GLRB: variants seen among roughly 807,000 people sequenced by gnomAD.
The protein encoded by GLRB is glycine receptor subunit beta.
Under a neutral mutation model 54.2 loss-of-function variants are expected in GLRB, and 33 were observed. The observed-to-expected ratio is 0.61, with a 90% CI of 0.46 to 0.81. The LOEUF (loss-of-function observed/expected upper bound fraction) is 0.81, where lower values mean the gene tolerates loss of function less well. Among genes scored for constraint, GLRB ranks in the 40% least tolerant of loss-of-function variants. The pLI is 0.00. For missense variants in GLRB, 572 were observed against 584.6 expected, an observed-to-expected ratio of 0.98 and a Z score of 0.22; for synonymous variants, 209 against 208.2, an observed-to-expected ratio of 1.00 and a Z score of -0.03.
At position 157,077,909 on chromosome 4, in the gene GLRB, G is replaced by C. The variant is rs1433013301; in HGVS notation, c.-29-87G>C. 2.1e-5 allele frequency: 17 copies of C among 794,702 alleles called. No homozygotes were observed. In the East Asian group the frequency reaches 3.8e-4, roughly 18 times the overall value. The allele number at this position is 794,702 out of a possible 1,614,324, so 49.2% of individuals were successfully genotyped here. A position where few individuals can be genotyped will look rare whatever the true frequency, so the allele number is the denominator to read the frequency against. The stretch of plus-strand genomic sequence containing the variant: ...ATGTACAAATGTACTTGCCCTTTGG[G>C]TAGTAATGCTTATACTCTTTAAAGG... On this transcript the variant is annotated intron_variant, in intron 1 of 9. Transcript: ENST00000264428.
intron 2 of GLRB, among the ~76,000 whole-genome samples, chr4:157,106,163 C>T (rs1476971581): frequency 6.6e-6 from 1 of 151,924 alleles, no homozygotes; most frequent in East Asian, 1.9e-4. Flanking sequence ...ATGTAGAGTA[C>T]TCTTGGGTGA....
At chr4:157,148,709 C>T (rs903726503) in intron 8 of GLRB, among the ~76,000 whole-genome samples, 3 of 152,084 alleles carry the variant, frequency 2.0e-5, no homozygotes, top group Middle Eastern at 3.2e-3. Flanking sequence ...AATATACTCA[C>T]GGATTTCAAT....
Position 157,153,021 on chromosome 4 carries a change from AATT to A in GLRB, c.1197+14_1197+16del, listed in dbSNP as rs1321021545. ...ATTAGCACTTTGCAGGTAAGGATAAAATTATGCCATGAAATCATTTCCCCCAAC... is the reference window on the plus strand; with the variant it reads ...ATTAGCACTTTGCAGGTAAGGATAAAATGCCATGAAATCATTTCCCCCAAC... On this transcript the variant is annotated intron_variant, in intron 9 of 9. Transcript: ENST00000264428. The A allele has an allele frequency of 1.9e-6, 3 of 1,605,510 alleles. No homozygotes were observed. The African/African-American group carries it at 4.0e-5, about 21-fold the overall frequency.
rs185570655 is a variant in GLRB, at chr4:157,168,698, G to A, written c.1198-1734G>A. ...CCTATTCCTCATCAACATTTTTTGGGTATTTTTCTGCAAACATATTTACAT... is the reference window on the plus strand; with the variant it reads ...CCTATTCCTCATCAACATTTTTTGGATATTTTTCTGCAAACATATTTACAT... On this transcript the variant is annotated intron_variant, in intron 9 of 9. Coordinates refer to ENST00000264428, the MANE Select transcript of GLRB (RefSeq NM_000824.5). Among the ~76,000 whole-genome samples the A allele has an allele frequency of 1.3e-4, 20 of 151,700 alleles. 1 individual carries two copies. Among genetic ancestry groups the A allele is most frequent in the African/African-American group, 4.4e-4 (18 of 41,290 alleles).
At chr4:157,094,574 T>C (rs955827564) in intron 2 of GLRB, among the ~76,000 whole-genome samples, 3 of 151,950 alleles carry the variant, frequency 2.0e-5, no homozygotes, top group Non-Finnish European at 4.4e-5. Context: ...GAAAAGAGAG[T>C]AGCCTAAAGG....
chr4:157,147,953 A>G (rs1006797165), intron 8 of GLRB, among the ~76,000 whole-genome samples: 1 of 152,222 alleles, frequency 6.6e-6, no homozygotes, highest in African/African-American at 2.4e-5. Flanking sequence ...GTGTTAAACA[A>G]AACTTTATTT....
intron 2 of GLRB, among the ~76,000 whole-genome samples, chr4:157,082,765 G>A (rs2126423907): frequency 6.6e-6 from 1 of 152,172 alleles, no homozygotes; most frequent in South Asian, 2.1e-4. Flanking sequence ...ATTCAGATAT[G>A]TAGTGAATAT....
rs202142610 is a variant in GLRB, at chr4:157,122,092, GA to G, written c.230-226del. 7.7e-3 allele frequency among the ~76,000 whole-genome samples: 1,068 copies of G among 139,446 alleles called. 9 individuals carry two copies. The highest frequency in any genetic ancestry group is 0.02 in the African/African-American group (750 of 38,308). The allele number at this position is 139,446 out of a possible 152,430, so 91.5% of individuals were successfully genotyped here. A position where few individuals can be genotyped will look rare whatever the true frequency, so the allele number is the denominator to read the frequency against. On this transcript the variant is annotated intron_variant, in intron 3 of 9. Coordinates refer to ENST00000264428, the MANE Select transcript of GLRB (RefSeq NM_000824.5). ...TACAATTTAAGACATAATTCTTCCT[GA>G]AAAAAAAAAAACATTATAAAATATA... is the stretch of plus-strand genomic sequence containing the variant.
intron 4 of GLRB, among the ~76,000 whole-genome samples, chr4:157,130,756 G>T (rs1026036226): frequency 3.3e-5 from 5 of 151,494 alleles, no homozygotes; most frequent in South Asian, 2.1e-4. Flanking sequence ...ATTTTTGGGG[G>T]TATATACCTA....
chr4:157,080,310 A>G (rs1052221249), intron 2 of GLRB, among the ~76,000 whole-genome samples: 5 of 152,178 alleles, frequency 3.3e-5, no homozygotes, highest in African/African-American at 4.8e-5. Context: ...TTGAAATTTT[A>G]TCTTTGAATT....
chr4:157,087,870 A>T (rs889016444), intron 2 of GLRB, among the ~76,000 whole-genome samples: 36 of 151,922 alleles, frequency 2.4e-4, no homozygotes, highest in African/African-American at 7.7e-4. Flanking sequence ...TATTTTCCTT[A>T]TGCTTCTACC....
intron 9 of GLRB, among the ~76,000 whole-genome samples, chr4:157,165,363 T>C (rs982337302): frequency 3.9e-5 from 6 of 152,044 alleles, no homozygotes; most frequent in African/African-American, 1.4e-4. Context: ...TAATGTACTT[T>C]GCCTTTCTAA....
intron 7 of GLRB, 100 bp downstream of exon 7, chr4:157,139,049 AAAATT>A: frequency 1.5e-6 from 1 of 670,672 alleles, no homozygotes. Context: ...GCCAAAACTT[AAAATT>A]AAATTAGCAA....
At chr4:157,086,599 C>T (rs961868197) in intron 2 of GLRB, among the ~76,000 whole-genome samples, 4 of 152,114 alleles carry the variant, frequency 2.6e-5, no homozygotes, top group South Asian at 2.1e-4. Context: ...ATAGAAATTA[C>T]CTTCTATTTG....
At chr4:157,139,184 G>A (rs953143507) in intron 7 of GLRB, among the ~76,000 whole-genome samples, 3 of 152,078 alleles carry the variant, frequency 2.0e-5, no homozygotes, top group African/African-American at 7.2e-5. Flanking sequence ...TTCTTGTGGT[G>A]AGAGGTTTTT....
At chr4:157,107,967 A>G (rs1735284375) in intron 2 of GLRB, among the ~76,000 whole-genome samples, 1 of 152,082 alleles carries the variant, frequency 6.6e-6, no homozygotes, top group Non-Finnish European at 1.5e-5. Flanking sequence ...CTTAAGAATT[A>G]TGCAAAATCT....
intron 4 of GLRB, among the ~76,000 whole-genome samples, chr4:157,124,928 T>C (rs1735963659): frequency 6.6e-6 from 1 of 151,916 alleles, no homozygotes; most frequent in Non-Finnish European, 1.5e-5. Flanking sequence ...AAAGTAGAAT[T>C]GTACACATAT....
At chr4:157,096,968 T>G (rs1734836186) in intron 2 of GLRB, among the ~76,000 whole-genome samples, 1 of 152,244 alleles carries the variant, frequency 6.6e-6, no homozygotes, top group Non-Finnish European at 1.5e-5. Flanking sequence ...GTTCTCAATT[T>G]CTGCTCTGAC....
chr4:157,170,772 G>A lies in GLRB; in HGVS notation c.*44G>A, dbSNP rs372242384. On this transcript the variant is annotated 3_prime_UTR_variant, in exon 10 of 10. Coordinates refer to ENST00000264428, the MANE Select transcript of GLRB (RefSeq NM_000824.5). ...ACAAAATAAAATTCCATTTCATTGT[G>A]ACCTACTCCTTTCATAAATGCCAAT... The A allele has an allele frequency of 9.0e-7, 1 of 1,115,796 alleles. No homozygotes were observed. The highest frequency in any genetic ancestry group is 2.5e-5 in the Admixed American group (1 of 39,702). 69.1% of individuals were successfully genotyped at this position (1,115,796 alleles called of 1,614,324 possible).
Sources: gnomAD v4.1 joint callset for allele counts (sites outside exome capture counted in the v4.1 genomes callset) on GRCh38, gnomAD v4.1.1 for gene constraint, MANE v1.5 for transcripts, NCBI Gene and HGNC (gene_info 2026-07-23, HGNC 2026-07-21) for gene names.